The following MALT1 variants were observed in gnomAD, a reference collection of about 807,000 sequenced individuals.
MALT1 encodes the protein mucosa-associated lymphoid tissue lymphoma translocation protein 1.
Under a neutral mutation model 85.5 loss-of-function variants are expected in MALT1, and 36 were observed. That is an observed-to-expected ratio of 0.42 (90% CI 0.32 to 0.56). The LOEUF is 0.56. MALT1 is among the 20% of genes least tolerant of loss of function. The pLI is 0.10. For synonymous variants in MALT1, 359 were observed against 361.3 expected, an observed-to-expected ratio of 0.99 and a Z score of 0.07; for missense variants, 716 against 981.6, an observed-to-expected ratio of 0.73 and a Z score of 3.62.
chr18:58,672,810 C>G (rs1469579756), intron 1 of MALT1: 1 of 152,186 alleles, frequency 6.6e-6, no homozygotes, highest in African/African-American at 2.4e-5. Context: ...TGCATTCAGT[C>G]TGTCGCACTA....
intron 2 of MALT1, among the ~76,000 whole-genome samples, chr18:58,692,469 T>G (rs771205984): frequency 1.2e-5 from 1 of 80,528 alleles, no homozygotes; most frequent in Non-Finnish European, 2.4e-5. Context: ...TCCCTCCCTG[T>G]CCCTCTTCCT....
Position 58,753,547 on chromosome 18 carries a change from C to A in MALT1, c.*5705C>A, listed in dbSNP as rs1252340395. On this transcript the variant is annotated 3_prime_UTR_variant, in exon 17 of 17. Coordinates refer to ENST00000649217, the MANE Select transcript of MALT1 (RefSeq NM_006785.4). ...CTAAAGTTGCAATTTTTGTTCACTCCAGAATCACTTTTCAAAAAGCATGCA... is the reference window on the plus strand; with the variant it reads ...CTAAAGTTGCAATTTTTGTTCACTCAAGAATCACTTTTCAAAAAGCATGCA... 6.6e-6 allele frequency: 1 copy of A among 152,146 alleles called. No individual in the cohort carries two copies. The highest frequency in any genetic ancestry group is 1.9e-4 in the East Asian group (1 of 5,196). 9.4% of individuals were successfully genotyped at this position (152,146 alleles called of 1,614,324 possible).
chr18:58,704,752 G>C (rs1484714574), intron 4 of MALT1, among the ~76,000 whole-genome samples: 1 of 147,450 alleles, frequency 6.8e-6, no homozygotes, highest in Non-Finnish European at 1.5e-5. Flanking sequence ...CCAGAACCAT[G>C]GCATTTCTTT....
chr18:58,681,160 T>C lies in MALT1; in HGVS notation c.210-10T>C, dbSNP rs2054317674. On this transcript the variant is annotated splice_polypyrimidine_tract_variant and intron_variant, in intron 1 of 16. Coordinates refer to ENST00000649217, the MANE Select transcript of MALT1 (RefSeq NM_006785.4). ...AAGCTGTTGACTTGAATTCTTTCTG[T>C]TGCTTTCAGTTGCCTAGACCTGGAG... The C allele has an allele frequency of 1.2e-6, 2 of 1,611,310 alleles. No homozygotes were observed. Among genetic ancestry groups the C allele is most frequent in the Non-Finnish European group, 1.7e-6 (2 of 1,179,026 alleles).
rs2055438670 is a variant in MALT1 at position 58,750,992 on chromosome 18, C to T, written c.*3150C>T. On this transcript the variant is annotated 3_prime_UTR_variant, in exon 17 of 17. Coordinates refer to ENST00000649217, the MANE Select transcript of MALT1 (RefSeq NM_006785.4). ...TGTATCTGATAAAAAAACAAACAAA[C>T]ATGCAGGTGCTCAGCTGTGGTTACC... The T allele has an allele frequency of 6.6e-6, 1 of 152,190 alleles. No individual in the cohort carries two copies. The highest frequency in any genetic ancestry group is 2.4e-5 in the African/African-American group (1 of 41,436). The allele number at this position is 152,190 out of a possible 1,614,324, so 9.4% of individuals were successfully genotyped here.
chr18:58,694,380 T>C (rs2054557618), intron 2 of MALT1, among the ~76,000 whole-genome samples: 1 of 152,252 alleles, frequency 6.6e-6, no homozygotes, highest in Non-Finnish European at 1.5e-5. Flanking sequence ...TTACTGTTAT[T>C]TACACTGTTT....
intron 11 of MALT1, chr18:58,733,841 C>G: frequency 8.5e-7 from 1 of 1,172,976 alleles, no homozygotes; most frequent in Non-Finnish European, 1.1e-6. Flanking sequence ...CTCCAGAATG[C>G]CTTTAGATGA....
intron 16 of MALT1, 34 bp downstream of exon 16, chr18:58,745,825 A>G (rs1161260710): frequency 6.3e-7 from 1 of 1,590,762 alleles, no homozygotes; most frequent in Non-Finnish European, 8.6e-7. Flanking sequence ...CTACTAATGG[A>G]AAACTTTATG....
chr18:58,703,041 T>C (rs2054696704), intron 4 of MALT1, among the ~76,000 whole-genome samples: 1 of 152,166 alleles, frequency 6.6e-6, no homozygotes, highest in Non-Finnish European at 1.5e-5. Flanking sequence ...TTCCGTAAAC[T>C]CAAATGACGT....
At chr18:58,688,439 A>G (rs1036810348) in intron 2 of MALT1, among the ~76,000 whole-genome samples, 6 of 149,192 alleles carry the variant, frequency 4.0e-5, no homozygotes, top group Non-Finnish European at 7.4e-5. Flanking sequence ...TGTAATCCCA[A>G]CACTTTGGGA....
At chr18:58,693,477 A>G (rs2054543654) in intron 2 of MALT1, among the ~76,000 whole-genome samples, 1 of 152,148 alleles carries the variant, frequency 6.6e-6, no homozygotes, top group Non-Finnish European at 1.5e-5. Context: ...TGGCTATAAT[A>G]AACAGATTTT....
intron 1 of MALT1, 61 bp from the exon 2 acceptor site, chr18:58,681,109 A>G (rs2054316671): frequency 1.3e-6 from 2 of 1,503,574 alleles, no homozygotes; most frequent in African/African-American, 1.4e-5. Flanking sequence ...TGGTCCAGAT[A>G]TATAGCAGGT....
At chr18:58,717,420 A>G (rs894751513) in intron 9 of MALT1, among the ~76,000 whole-genome samples, 8 of 152,204 alleles carry the variant, frequency 5.3e-5, no homozygotes, top group African/African-American at 1.9e-4. Context: ...TATAGATCTT[A>G]TTCTATGGCA....
At chr18:58,729,489 CAAAAAAA>C (rs72233465) in intron 10 of MALT1, among the ~76,000 whole-genome samples, 1 of 96,522 alleles carries the variant, frequency 1.0e-5, no homozygotes, top group African/African-American at 3.9e-5. Context: ...AACTCCGTCT[CAAAAAAA>C]AAAAAAAAAG....
chr18:58,746,403 T>G (rs1437410884), intron 16 of MALT1, among the ~76,000 whole-genome samples: 1 of 152,242 alleles, frequency 6.6e-6, no homozygotes, highest in East Asian at 1.9e-4. Flanking sequence ...TTAGAATTTT[T>G]TTTCCATTTT....
rs1018535762 is a variant in MALT1, at chr18:58,671,520, G to T, written c.-124G>T. ...CTTCCTCCTCTGAGGGCCGTGCCGC[G>T]CTGCCAGATTTGTTCTTCCGCCCCT... On this transcript the variant is annotated 5_prime_UTR_variant, in exon 1 of 17. Coordinates refer to ENST00000649217, the MANE Select transcript of MALT1 (RefSeq NM_006785.4). 3.2e-4 allele frequency: 174 copies of T among 546,172 alleles called. 1 individual carries two copies. Among genetic ancestry groups the T allele is most frequent in the Middle Eastern group, 1.1e-3 (2 of 1,792 alleles). 33.8% of individuals were successfully genotyped at this position (546,172 alleles called of 1,614,324 possible). A position where few individuals can be genotyped will look rare whatever the true frequency, so the allele number is the denominator to read the frequency against.
At chr18:58,734,094 A>G (rs1026767434) in intron 11 of MALT1, 4 of 1,334,114 alleles carry the variant, frequency 3.0e-6, no homozygotes, top group Admixed American at 3.1e-5. Flanking sequence ...ATCCAATGCC[A>G]GAGTTCAAAT....
At chr18:58,671,885 G>C (rs1227343250) in intron 1 of MALT1, 33 bp downstream of exon 1, 2 of 1,205,010 alleles carry the variant, frequency 1.7e-6, no homozygotes, top group Non-Finnish European at 2.1e-6. Context: ...CCGGGCGCGC[G>C]GGTCGAGCGG....
chr18:58,678,702 C>T (rs9960564), intron 1 of MALT1, among the ~76,000 whole-genome samples: 4,571 of 152,106 alleles, frequency 0.03, 198 homozygotes, highest in African/African-American at 0.1. Flanking sequence ...TTGTATTTTA[C>T]GAATTGTAAA....
Sources: gnomAD v4.1 joint callset for allele counts (sites outside exome capture counted in the v4.1 genomes callset) on GRCh38, gnomAD v4.1.1 for gene constraint, MANE v1.5 for transcripts, NCBI Gene and HGNC (gene_info 2026-07-23, HGNC 2026-07-21) for gene names.